The following CEP131 variants were observed in gnomAD, a reference collection of about 807,000 sequenced individuals.
CEP131 encodes the protein centrosomal protein of 131 kDa.
In CEP131, 99 loss-of-function variants were observed where a neutral mutation model predicts 136.8. The observed-to-expected ratio is 0.72, with a 90% CI of 0.62 to 0.86. The LOEUF is 0.86. CEP131 is among the 40% of genes least tolerant of loss of function. The probability of loss-of-function intolerance (pLI) is 0.00; values close to 1 mark genes in which losing one functional copy is unlikely to be tolerated. For missense variants in CEP131, 1,459 were observed against 1,463.0 expected (o/e 1.00, Z 0.04); for synonymous variants, 646 against 612.7 (o/e 1.05, Z -0.80).
At chr17:81,195,474 TCCA>T (rs2061733896) in intron 16 of CEP131, among the ~76,000 whole-genome samples, 1 of 151,964 alleles carries the variant, frequency 6.6e-6, no homozygotes, top group Admixed American at 6.5e-5. Context: ...GAGTCAATGC[TCCA>T]CCGACACCTG....
Position 81,197,915 on chromosome 17 carries a change from G to A in CEP131, c.1471-27C>T, listed in dbSNP as rs767879022. On this transcript the variant is annotated intron_variant, in intron 12 of 25. Coordinates refer to ENST00000450824, the MANE Select transcript of CEP131 (RefSeq NM_014984.4). ...TGTGGGACAGGAGCCCAGCATCGGG[G>A]GCTGTCAGGGCAGCCTGAGGACTTG... The A allele has an allele frequency of 1.6e-5, 26 of 1,600,124 alleles. 1 individual carries two copies. Among genetic ancestry groups the A allele is most frequent in the Middle Eastern group, 3.3e-4 (2 of 6,014 alleles).
chr17:81,196,922 A>T lies in CEP131; in HGVS notation c.1773+8T>A. ...AGGGCCCGGGATTAGCAGTGCCAGC[A>T]GCGTTACCAGCGCTCTCTGCAGCAG... On this transcript the variant is annotated splice_region_variant and intron_variant, in intron 14 of 25. Transcript: ENST00000450824. 6.2e-7 allele frequency: 1 copy of T among 1,609,210 alleles called. No homozygotes were observed. The highest frequency in any genetic ancestry group is 8.5e-7 in the Non-Finnish European group (1 of 1,178,326).
At chr17:81,196,855 G>T in intron 14 of CEP131, 29 bp from the exon 15 acceptor site, 1 of 1,599,566 alleles carries the variant, frequency 6.3e-7, no homozygotes, top group Non-Finnish European at 8.5e-7. Context: ...GGAGGGAAGC[G>T]CTAGGACCGG....
At chr17:81,205,849 T>C (rs891242462) in intron 5 of CEP131, among the ~76,000 whole-genome samples, 9 of 152,116 alleles carry the variant, frequency 5.9e-5, no homozygotes, top group African/African-American at 2.2e-4. Context: ...CAGTGAGCTA[T>C]GATCGTGGAC....
rs1298545125 is a variant in CEP131 at position 81,199,429 on chromosome 17, G to A, written c.1144C>T (p.Pro382Ser). Residue 382 changes from proline to serine, a missense_variant, in exon 10 of 26, where the codon CCC (proline) becomes TCC (serine). Pro to Ser is a moderately conservative substitution (Grantham distance 74, BLOSUM62 -1). Coordinates refer to ENST00000450824, the MANE Select transcript of CEP131 (RefSeq NM_014984.4). Reference sequence around the variant, plus strand: ...TGGTGGGCAGTGCCGCCTGGTGTGGGGGACAGCTCCTGAGCAGGCTGCCGC... The same window carrying A: ...TGGTGGGCAGTGCCGCCTGGTGTGGAGGACAGCTCCTGAGCAGGCTGCCGC... ...GMRQPAQELS[P>S]TPGGTAHQAL... The A allele has an allele frequency of 1.2e-6, 2 of 1,607,476 alleles. No homozygotes were observed. The highest frequency in any genetic ancestry group is 1.3e-5 in the African/African-American group (1 of 74,882).
intron 5 of CEP131, among the ~76,000 whole-genome samples, chr17:81,205,368 A>AGGGGCGGCAAGAGTGTGGGTAGGG (rs2061981398): frequency 9.4e-6 from 1 of 106,478 alleles, no homozygotes; most frequent in African/African-American, 3.6e-5. Context: ...TGTGGGTAGG[A>AGGGGCGGCAAGAGTGTGGGTAGGG]GGGGCAGCAG....
At position 81,197,894 on chromosome 17, in the gene CEP131, G is replaced by A. The variant is rs769178460; in HGVS notation, c.1471-6C>T. 4.3e-6 allele frequency: 7 copies of A among 1,609,264 alleles called. No individual in the cohort carries two copies. Among genetic ancestry groups the A allele is most frequent in the Non-Finnish European group, 5.9e-6 (7 of 1,177,340 alleles). ...AGAGAGCTGGCGTCATCCTCCTGTG[G>A]GACAGGAGCCCAGCATCGGGGGCTG... On this transcript the variant is annotated splice_region_variant and splice_polypyrimidine_tract_variant and intron_variant, in intron 12 of 25. Coordinates refer to ENST00000450824, the MANE Select transcript of CEP131 (RefSeq NM_014984.4).
At position 81,198,932 on chromosome 17, in the gene CEP131, A is replaced by T. The variant is rs772742383; in HGVS notation, c.1232T>A (p.Leu411Gln). The T allele has an allele frequency of 2.1e-5, 34 of 1,591,386 alleles. No individual in the cohort carries two copies. The highest frequency in any genetic ancestry group is 8.9e-5 in the Admixed American group (5 of 56,492). Residue 411 changes from leucine (L) to glutamine (Q), a missense_variant, in exon 11 of 26, where the codon CTG (leucine) becomes CAG (glutamine). Coordinates refer to ENST00000450824, the MANE Select transcript of CEP131 (RefSeq NM_014984.4). Reference sequence around the variant, plus strand: ...TTCTGGGGATGAGTCGGAGGTGGGCAGGCAGCGGTCTCCGGGGCCTGCAGC... The same window carrying T: ...TTCTGGGGATGAGTCGGAGGTGGGCTGGCAGCGGTCTCCGGGGCCTGCAGC... The part of the protein sequence containing the change: ...LPAAGPGDRC[L>Q]PTSDSSPEPQ...
rs1456317281 is a variant in CEP131 at position 81,192,838 on chromosome 17, T to C, written c.2327A>G (p.Gln776Arg). The C allele has an allele frequency of 6.3e-7, 1 of 1,597,468 alleles. No homozygotes were observed. Among genetic ancestry groups the C allele is most frequent in the African/African-American group, 1.3e-5 (1 of 74,832 alleles). Residue 776 changes from glutamine (Q) to arginine (R), a missense_variant, in exon 19 of 26, where the codon CAG becomes CGG. Around this residue, in one of 3 missense-constraint regions of CEP131, gnomAD observed 1,026 missense variants for 964.2 expected, o/e 1.06. Coordinates refer to ENST00000450824, the MANE Select transcript of CEP131 (RefSeq NM_014984.4). ...CCACTGCTCCTGCTCCAGGTGCTGCTGGAACCTGCGGGACGGTCAGGACTG... is the reference window on the plus strand; with the variant it reads ...CCACTGCTCCTGCTCCAGGTGCTGCCGGAACCTGCGGGACGGTCAGGACTG... ...QERERARQRF[Q>R]QHLEQEQWAL... is the part of the protein sequence containing the mutation.
rs373995408 is a variant in CEP131, at chr17:81,200,377, G to A, written c.858C>T (p.Arg286=). ...GCTCCAGGCGGGCAGCTCCTGCTCC[G>A]CGCCGCTGCACCTGGTGCCGGTACC... ...QRWYRHQVQR[R]GAGAARLEHL... The change falls in exon 8 of 26, where the codon CGC becomes CGT. Residue 286 remains arginine (R), a synonymous_variant. Transcript: ENST00000450824. The A allele has an allele frequency of 1.2e-4, 194 of 1,576,498 alleles. No individual in the cohort carries two copies. The highest frequency in any genetic ancestry group is 2.8e-4 in the East Asian group (12 of 42,570).
At chr17:81,196,663 C>A (rs7219367) in intron 15 of CEP131, 38 bp downstream of exon 15, 4 of 1,583,120 alleles carry the variant, frequency 2.5e-6, no homozygotes, top group Non-Finnish European at 3.4e-6. Context: ...ATGAGCCACG[C>A]GCTGGGTCCG....
intron 2 of CEP131, among the ~76,000 whole-genome samples, chr17:81,210,402 T>C (rs2062106295): frequency 6.6e-6 from 1 of 152,142 alleles, no homozygotes; most frequent in South Asian, 2.1e-4. Context: ...AAACCCCGTC[T>C]CTACTAAAAA....
In CEP131 at chr17:81,198,129, C is replaced by A. The variant is rs200702222; in HGVS notation, c.1456G>T (p.Ala486Ser). 6.3e-5 allele frequency: 99 copies of A among 1,567,752 alleles called. No homozygotes were observed. Among genetic ancestry groups the A allele is most frequent in the Non-Finnish European group, 8.1e-5 (94 of 1,157,278 alleles). The part of the protein sequence containing the change: ...RPRTHHRGRY[A>S]WASEEDDASS... ...ACCGTGGTCACCTCGCTGGCCCAGG[C>A]GTATCTGCCCCTGTGATGGGTCCTG... Residue 486 changes from alanine to serine, a missense_variant, in exon 12 of 26, where the codon GCC becomes TCC. Ala to Ser is a moderately conservative substitution (Grantham distance 99, BLOSUM62 1). Coordinates refer to ENST00000450824, the MANE Select transcript of CEP131 (RefSeq NM_014984.4).
chr17:81,199,121 G>A, intron 10 of CEP131, 150 bp from the exon 11 acceptor site: 1 of 822,198 alleles, frequency 1.2e-6, no homozygotes. Context: ...CCTTCTGGGT[G>A]TGGAGCTGTG....
intron 21 of CEP131, among the ~76,000 whole-genome samples, chr17:81,192,068 C>T (rs1279371862): frequency 1.3e-5 from 2 of 152,078 alleles, no homozygotes; most frequent in African/African-American, 4.8e-5. Flanking sequence ...AGAGGGGCAA[C>T]GCCTGTTCTC....
chr17:81,200,303 G>T, intron 8 of CEP131, 26 bp downstream of exon 8: 3 of 1,566,028 alleles, frequency 1.9e-6, no homozygotes, highest in East Asian at 2.3e-5. Flanking sequence ...GGGGGAGCAT[G>T]GAGTGACTGA....
Position 81,189,822 on chromosome 17 carries a change from G to T in CEP131, c.3190C>A (p.His1064Asn). The T allele has an allele frequency of 6.2e-7, 1 of 1,611,794 alleles. No homozygotes were observed. The highest frequency in any genetic ancestry group is 1.1e-5 in the South Asian group (1 of 91,004). Residue 1064 changes from histidine to asparagine, a missense_variant, in exon 26 of 26, where the codon CAC becomes AAC. Around this residue, in one of 3 missense-constraint regions of CEP131, gnomAD observed 1,026 missense variants for 964.2 expected, o/e 1.06. Transcript: ENST00000450824. ...QHEAAVKRAD[H>N]LEELLEQHRR... ...TGCTGCTCCAGCAGCTCCTCCAGGT[G>T]GTCGGCCCGCTTCACCGCAGCCTGC...
chr17:81,195,807 C>G, intron 16 of CEP131, 28 bp downstream of exon 16: 1 of 1,583,250 alleles, frequency 6.3e-7, no homozygotes, highest in Non-Finnish European at 8.6e-7. Context: ...GGGCTTGGGA[C>G]GCCGTGCAGT....
rs3744150 is a variant in CEP131, at chr17:81,192,584, C to T, written c.2439G>A (p.Ala813=). ...RLGQQAARQR[A]ELEELRQQLE... ...GCTGCTGCCTCAGCTCTTCCAGCTC[C>T]GCCCGCTGCCTGCGGCCAGGGAGGA... The change falls in exon 20 of 26, where the codon GCG becomes GCA. Residue 813 remains alanine (A), a synonymous_variant. Transcript: ENST00000450824. 0.081 allele frequency: 130,146 copies of T among 1,606,898 alleles called. 6,648 individuals carry two copies. Among genetic ancestry groups the T allele is most frequent in the African/African-American group, 0.23 (17,125 of 74,776 alleles).
Sources: allele counts gnomAD v4.1 joint callset (sites outside exome capture counted in the v4.1 genomes callset), GRCh38; gene constraint gnomAD v4.1.1; regional missense constraint gnomAD v4.1.1; transcripts MANE v1.5; gene names NCBI Gene and HGNC (gene_info 2026-07-23, HGNC 2026-07-21).